The following KIAA1217 variants were observed in gnomAD, a reference collection of about 807,000 sequenced individuals.
KIAA1217 encodes the protein sickle tail protein homolog.
KIAA1217 carries 88 observed loss-of-function variants against 163.9 expected under a neutral mutation model. The observed-to-expected ratio is 0.54, with a 90% confidence interval of 0.45 to 0.64. The LOEUF is 0.64. Among genes scored for constraint, KIAA1217 ranks in the 30% least tolerant of loss-of-function variants. KIAA1217 has a pLI of 0.00. For synonymous variants in KIAA1217, 903 were observed against 923.1 expected (o/e 0.98, Z 0.39); for missense variants, 2,372 against 2,475.0 (o/e 0.96, Z 0.88).
At chr10:23,896,473 A>C (rs1052863865) in intron 1 of KIAA1217, among the ~76,000 whole-genome samples, 1 of 152,078 alleles carries the variant, frequency 6.6e-6, no homozygotes, top group Non-Finnish European at 1.5e-5. Flanking sequence ...GGTGACTGAT[A>C]GAGATCTTTC....
intron 1 of KIAA1217, among the ~76,000 whole-genome samples, chr10:23,894,577 A>G (rs1841586377): frequency 6.7e-6 from 1 of 150,298 alleles, no homozygotes; most frequent in Admixed American, 6.7e-5. Flanking sequence ...AAGGTAATGG[A>G]TAGATTCAAT....
chr10:24,291,758 G>A (rs796677958), intron 2 of KIAA1217, among the ~76,000 whole-genome samples: 1 of 151,488 alleles, frequency 6.6e-6, no homozygotes, highest in African/African-American at 2.4e-5. Context: ...TTACTACTCC[G>A]ATGTGGAGAA....
chr10:24,411,249 T>G lies in KIAA1217; in HGVS notation c.554-21746T>G, dbSNP rs913146200. ...AATTTACTGCTGTGTGTGACTGAGT[T>G]CCTACTTAATATTCATTGACACAAA... On this transcript the variant is annotated intron_variant, in intron 3 of 20. Coordinates refer to ENST00000376454, the MANE Select transcript of KIAA1217 (RefSeq NM_019590.5). Among the ~76,000 whole-genome samples the G allele has an allele frequency of 4.6e-5, 7 of 152,128 alleles. No homozygotes were observed. In the East Asian group the frequency reaches 1.3e-3, roughly 29 times the overall value.
chr10:24,046,734 T>G (rs1435709675), intron 2 of KIAA1217, among the ~76,000 whole-genome samples: 5 of 152,178 alleles, frequency 3.3e-5, no homozygotes, highest in Non-Finnish European at 2.9e-5. Flanking sequence ...AAGATTTGGA[T>G]GGCAACATAG....
At chr10:23,785,182 T>C (rs1377385500) in intron 1 of KIAA1217, among the ~76,000 whole-genome samples, 3 of 152,170 alleles carry the variant, frequency 2.0e-5, no homozygotes, top group Non-Finnish European at 2.9e-5. Context: ...AGCATAATCA[T>C]GTGCCAAGCA....
At position 24,531,967 on chromosome 10, in the gene KIAA1217, G is replaced by A. The variant is rs145209815; in HGVS notation, c.3220G>A (p.Gly1074Ser). The change falls in exon 15 of 21, where the codon GGC (glycine) becomes AGC (serine). Residue 1074 changes from glycine to serine, a missense_variant. This residue lies in a region of KIAA1217 where 1,431 missense variants were observed against 1,470.3 expected (regional missense o/e 0.97). Coordinates refer to ENST00000376454, the MANE Select transcript of KIAA1217 (RefSeq NM_019590.5). ...TTRSGDVVYT[G>S]RKENITAKAS... is the part of the protein sequence containing the mutation. ...GAGGTCAGGCGATGTGGTCTACACC[G>A]GCAGAAAGGAGAACATCACCGCTAA... 58 of 1,580,470 alleles carry A rather than the reference G, an allele frequency of 3.7e-5. No homozygotes were observed. Among genetic ancestry groups the A allele is most frequent in the South Asian group, 2.2e-4 (19 of 86,030 alleles).
chr10:24,440,976 T>A (rs779139984), intron 5 of KIAA1217, among the ~76,000 whole-genome samples: 14 of 152,244 alleles, frequency 9.2e-5, no homozygotes, highest in Non-Finnish European at 1.6e-4. Flanking sequence ...TCTTGATGAA[T>A]GTGGCTGCAT....
intron 2 of KIAA1217, among the ~76,000 whole-genome samples, chr10:24,261,115 C>T (rs1331066789): frequency 3.3e-5 from 5 of 152,124 alleles, no homozygotes; most frequent in Non-Finnish European, 7.3e-5. Context: ...TACATATGTC[C>T]TTCTCCAAAT....
chr10:23,738,412 G>A (rs545783816), intron 1 of KIAA1217, among the ~76,000 whole-genome samples: 43 of 152,138 alleles, frequency 2.8e-4, no homozygotes, highest in African/African-American at 1.0e-3. Context: ...TGCCTTATGT[G>A]TATTTTTCAC....
rs1255964806 is a variant in KIAA1217, at chr10:24,068,586, T to C, written c.-171+61212T>C. On this transcript the variant is annotated intron_variant, in intron 2 of 18. Coordinates refer to the KIAA1217 transcript ENST00000376462. ...AAACTACCACTTTGCCCAGTCTTCA[T>C]GGACAAGACTGCTACAGAAGAAGAT... Among the ~76,000 whole-genome samples the C allele has an allele frequency of 2.0e-5, 3 of 152,234 alleles. No homozygotes were observed. In the East Asian group the frequency reaches 5.8e-4, roughly 29 times the overall value.
At chr10:24,118,723 G>A (rs1348058800) in intron 2 of KIAA1217, among the ~76,000 whole-genome samples, 1 of 150,788 alleles carries the variant, frequency 6.6e-6, no homozygotes, top group African/African-American at 2.4e-5. Flanking sequence ...TTTTTTAAAG[G>A]CAGCTTTGTT....
At chr10:23,949,086 GAGA>G in intron 1 of KIAA1217, among the ~76,000 whole-genome samples, 1 of 152,196 alleles carries the variant, frequency 6.6e-6, no homozygotes, top group Non-Finnish European at 1.5e-5. Context: ...GGCGGAATCA[GAGA>G]AGATTCCTTA....
At chr10:23,886,030 C>T (rs1001184563) in intron 1 of KIAA1217, among the ~76,000 whole-genome samples, 2 of 151,900 alleles carry the variant, frequency 1.3e-5, no homozygotes, top group East Asian at 2.0e-4. Flanking sequence ...CTCTTTGAAA[C>T]GTACTTACGC....
chr10:23,894,040 A>G lies in KIAA1217; in HGVS notation c.-320-113185A>G, dbSNP rs552237227. On this transcript the variant is annotated intron_variant, in intron 1 of 18. Coordinates refer to the KIAA1217 transcript ENST00000376462. The stretch of plus-strand genomic sequence containing the variant: ...AAACCCACAGCCAATATCATACTGA[A>G]TGGGCAAAAGCTGGAAGCATTCCCT... Among the ~76,000 whole-genome samples the G allele has an allele frequency of 5.4e-3, 815 of 152,188 alleles. 9 individuals carry two copies. The highest frequency in any genetic ancestry group is 0.018 in the African/African-American group (757 of 41,542).
intron 2 of KIAA1217, among the ~76,000 whole-genome samples, chr10:24,138,691 TC>T (rs1677682700): frequency 6.6e-6 from 1 of 151,784 alleles, no homozygotes; most frequent in African/African-American, 2.4e-5. Flanking sequence ...TATCACCACT[TC>T]CCCCTATCTG....
At chr10:24,312,199 G>A (rs1334273740) in intron 2 of KIAA1217, among the ~76,000 whole-genome samples, 1 of 152,032 alleles carries the variant, frequency 6.6e-6, no homozygotes, top group Non-Finnish European at 1.5e-5. Flanking sequence ...AGCTAACGAG[G>A]GGCCAGCTCA....
chr10:24,494,403 A>C, intron 6 of KIAA1217, 97 bp from the exon 7 acceptor site: 2 of 966,358 alleles, frequency 2.1e-6, no homozygotes, highest in Admixed American at 2.2e-5. Context: ...ACGGCCTTCT[A>C]GGTGGTACCT....
chr10:24,304,557 G>A (rs144355811), intron 2 of KIAA1217, among the ~76,000 whole-genome samples: 20 of 152,040 alleles, frequency 1.3e-4, no homozygotes, highest in African/African-American at 4.6e-4. Context: ...GCCCAGGCTG[G>A]TCTTGAACTC....
At chr10:24,153,958 AT>A (rs753825154) in intron 2 of KIAA1217, among the ~76,000 whole-genome samples, 2,900 of 135,202 alleles carry the variant, frequency 0.021, 65 homozygotes, top group African/African-American at 0.061. Flanking sequence ...TACAAAAAAT[AT>A]TTTTTTTTTT....
Sources: gnomAD v4.1 joint callset for allele counts (sites outside exome capture counted in the v4.1 genomes callset) on GRCh38, gnomAD v4.1.1 for gene constraint, gnomAD v4.1.1 regional missense constraint, MANE v1.5 for transcripts, NCBI Gene and HGNC (gene_info 2026-07-23, HGNC 2026-07-21) for gene names.